HS1BP3: variants seen among roughly 807,000 people sequenced by gnomAD.
The protein encoded by HS1BP3 is HCLS1 binding protein 3, also known as HCLS1-binding protein 3.
Under a neutral mutation model 33.5 loss-of-function variants are expected in HS1BP3, and 32 were observed. The observed-to-expected ratio is 0.95, with a 90% CI of 0.72 to 1.28. The LOEUF (loss-of-function observed/expected upper bound fraction) is 1.28, where lower values mean the gene tolerates loss of function less well. Ranked by LOEUF, HS1BP3 falls within the 50% of genes most tolerant of loss-of-function variation. The pLI is 0.00. For missense variants in HS1BP3, 486 were observed against 502.3 expected, an observed-to-expected ratio of 0.97 and a Z score of 0.31; for synonymous variants, 187 against 209.2, an observed-to-expected ratio of 0.89 and a Z score of 0.92.
chr2:20,577,220 A>C (rs564775773), intron 5 of HS1BP3, among the ~76,000 whole-genome samples: 7 of 152,044 alleles, frequency 4.6e-5, no homozygotes, highest in Admixed American at 1.3e-4. Flanking sequence ...AATTGAGTTA[A>C]TATTTCCGTA....
At chr2:20,614,243 T>G (rs976999721), downstream of HS1BP3, among the ~76,000 whole-genome samples, 2 of 152,224 alleles carry the variant, frequency 1.3e-5, no homozygotes, top group Admixed American at 6.5e-5. Context: ...ACCATGGCCC[T>G]ACTAACACCT....
At chr2:20,638,403 C>T (rs1342543146) in intron 4 of HS1BP3, 33 bp downstream of exon 4, 14 of 1,595,458 alleles carry the variant, frequency 8.8e-6, no homozygotes, top group Non-Finnish European at 1.2e-5. Flanking sequence ...CTGGAATACA[C>T]CAAAGGGGCC....
downstream of HS1BP3, among the ~76,000 whole-genome samples, chr2:20,613,988 C>T (rs896133033): frequency 6.6e-6 from 1 of 152,178 alleles, no homozygotes; most frequent in Non-Finnish European, 1.5e-5. Context: ...GAAATGAGGT[C>T]ATATCAGATT....
At chr2:20,606,628 CT>C in intron 2 of HS1BP3, 1 of 425,476 alleles carries the variant, frequency 2.4e-6, no homozygotes, top group Non-Finnish European at 4.7e-6. Flanking sequence ...CAGCGTCTTT[CT>C]TCTTCTTCTT....
intron 4 of HS1BP3, among the ~76,000 whole-genome samples, chr2:20,628,827 TG>T (rs1558342858): frequency 6.6e-6 from 1 of 152,036 alleles, no homozygotes; most frequent in Non-Finnish European, 1.5e-5. Context: ...AGAGTCACAC[TG>T]TGAGGGTCTG....
chr2:20,643,196 A>G (rs186757838), intron 2 of HS1BP3, among the ~76,000 whole-genome samples: 203 of 152,146 alleles, frequency 1.3e-3, no homozygotes, highest in African/African-American at 4.6e-3. Context: ...GCACGCACAC[A>G]CTCCACGAGG....
At position 20,631,553 on chromosome 2, in the gene HS1BP3, A is replaced by AAAAT. The variant is rs377095058; in HGVS notation, c.624-6662_624-6661insATTT. Among the ~76,000 whole-genome samples, 10 of 108,224 alleles carry AAAAT rather than the reference A, an allele frequency of 9.2e-5. 3 individuals carry two copies. The highest frequency in any genetic ancestry group is 5.6e-4 in the South Asian group (2 of 3,556). 71.0% of individuals were successfully genotyped at this position (108,224 alleles called of 152,430 possible). ...AAAAAAAAAAAAAAAAAAAAAAAAAAGGGGCCAGCCAGGGAGGTCACCATG... is the reference window on the plus strand; with the variant it reads ...AAAAAAAAAAAAAAAAAAAAAAAAAAAAATGGGGCCAGCCAGGGAGGTCACCATG... On this transcript the variant is annotated intron_variant, in intron 4 of 6. Coordinates refer to ENST00000304031, the MANE Select transcript of HS1BP3 (RefSeq NM_022460.4).
chr2:20,579,923 T>A (rs1693492393), intron 5 of HS1BP3, among the ~76,000 whole-genome samples: 1 of 152,390 alleles, frequency 6.6e-6, no homozygotes, highest in Non-Finnish European at 1.5e-5. Flanking sequence ...AGGTTCTGCA[T>A]GTGATCTTTC....
At chr2:20,559,630 GGATA>G (rs1692933092), downstream of HS1BP3, among the ~76,000 whole-genome samples, 1 of 151,584 alleles carries the variant, frequency 6.6e-6, no homozygotes, top group South Asian at 2.1e-4. Flanking sequence ...ATGGGTGGAT[GGATA>G]GGTAGATGGA....
the HS1BP3 span, among the ~76,000 whole-genome samples, chr2:20,554,945 C>A: frequency 6.6e-6 from 1 of 152,226 alleles, no homozygotes; most frequent in Non-Finnish European, 1.5e-5. Context: ...ACCGTGGCCA[C>A]CTTTCCAGCT....
At chr2:20,634,037 G>A (rs1572353060) in intron 4 of HS1BP3, among the ~76,000 whole-genome samples, 1 of 152,208 alleles carries the variant, frequency 6.6e-6, no homozygotes, top group African/African-American at 2.4e-5. Context: ...CTGGCTCGTG[G>A]CCCCCACATG....
At chr2:20,591,544 TG>T (rs1159064705), downstream of HS1BP3, among the ~76,000 whole-genome samples, 3 of 152,244 alleles carry the variant, frequency 2.0e-5, no homozygotes, top group African/African-American at 7.2e-5. Context: ...TGACAGTTTC[TG>T]TCCCTTTGGA....
chr2:20,566,668 G>A (rs942973591), intron 5 of HS1BP3, among the ~76,000 whole-genome samples: 16 of 151,360 alleles, frequency 1.1e-4, no homozygotes, highest in South Asian at 2.1e-4. Context: ...GTGCAATGGC[G>A]CGATCTCAGC....
intron 2 of HS1BP3, among the ~76,000 whole-genome samples, chr2:20,612,306 C>T (rs1033665454): frequency 1.3e-5 from 2 of 152,296 alleles, no homozygotes; most frequent in Non-Finnish European, 2.9e-5. Context: ...ATTAAATTAT[C>T]CTAACAGTTT....
chr2:20,605,561 C>A (rs536714035), intron 2 of HS1BP3, among the ~76,000 whole-genome samples: 1 of 151,950 alleles, frequency 6.6e-6, no homozygotes. Context: ...TATGTCATCA[C>A]CCCCCAAAGG....
intron 3 of HS1BP3, chr2:20,640,248 T>C (rs1695297393): frequency 6.6e-6 from 1 of 152,388 alleles, no homozygotes; most frequent in Non-Finnish European, 1.5e-5. Flanking sequence ...GGTTCTGGGT[T>C]GACAGGACTA....
chr2:20,593,798 C>T (rs544418497), intron 3 of HS1BP3, among the ~76,000 whole-genome samples: 37 of 152,266 alleles, frequency 2.4e-4, no homozygotes, highest in East Asian at 1.5e-3. Flanking sequence ...TCCCTGGAGC[C>T]GCCACGGGGA....
chr2:20,587,401 C>A lies in HS1BP3; in HGVS notation c.303-26886G>T, dbSNP rs1056515044. Among the ~76,000 whole-genome samples the A allele has an allele frequency of 1.3e-4, 20 of 152,310 alleles. 3 individuals are homozygous for A. Among genetic ancestry groups the A allele is most frequent in the African/African-American group, 4.3e-4 (18 of 41,564 alleles). Reference sequence around the variant, plus strand: ...CCCATCTGTGGCAGGGAGAGCAAGACCCTGACCCCATCCCCTGCTCTCCTG... The same window carrying A: ...CCCATCTGTGGCAGGGAGAGCAAGAACCTGACCCCATCCCCTGCTCTCCTG... On this transcript the variant is annotated intron_variant, in intron 5 of 5. Transcript: ENST00000446825.
chr2:20,616,170 C>G (rs148352185), downstream of HS1BP3, among the ~76,000 whole-genome samples: 7 of 152,204 alleles, frequency 4.6e-5, no homozygotes, highest in East Asian at 1.9e-4. Context: ...GCTGCAGGCT[C>G]CTGGCCTGAG....
Sources: allele counts gnomAD v4.1 joint callset (sites outside exome capture counted in the v4.1 genomes callset), GRCh38; gene constraint gnomAD v4.1.1; transcripts MANE v1.5; gene names NCBI Gene and HGNC (gene_info 2026-07-23, HGNC 2026-07-21).